Variants in HHAT observed in about 807,000 individuals in gnomAD.
HHAT encodes the protein protein-cysteine N-palmitoyltransferase HHAT.
Under a neutral mutation model 70.8 loss-of-function variants are expected in HHAT, and 47 were observed. The observed-to-expected ratio is 0.66, with a 90% CI of 0.53 to 0.85. The LOEUF (loss-of-function observed/expected upper bound fraction) is 0.85. Ranked by LOEUF, HHAT falls within the 40% of genes least tolerant of loss-of-function variation. The pLI, the probability that HHAT is intolerant of heterozygous loss-of-function variation, is 0.00. For synonymous variants in HHAT, 228 were observed against 247.6 expected, an observed-to-expected ratio of 0.92 and a Z score of 0.74; for missense variants, 609 against 604.8, an observed-to-expected ratio of 1.01 and a Z score of -0.07.
chr1:210,595,498 G>A (rs1662773771), intron 10 of HHAT, among the ~76,000 whole-genome samples: 2 of 152,178 alleles, frequency 1.3e-5, no homozygotes, highest in African/African-American at 4.8e-5. Flanking sequence ...GGATGGCTGG[G>A]TCAAATGGTA....
intron 8 of HHAT, among the ~76,000 whole-genome samples, chr1:210,478,751 G>T (rs1232797764): frequency 2.0e-5 from 3 of 152,116 alleles, no homozygotes; most frequent in Non-Finnish European, 4.4e-5. Context: ...AGAAATCTAT[G>T]CAGGCTGTTC....
At chr1:210,471,575 G>A (rs1211422515) in intron 8 of HHAT, among the ~76,000 whole-genome samples, 2 of 152,078 alleles carry the variant, frequency 1.3e-5, no homozygotes, top group Non-Finnish European at 2.9e-5. Context: ...ATGAGGAACT[G>A]GATGCAAGGC....
At chr1:210,574,131 C>G (rs1206948316) in intron 9 of HHAT, among the ~76,000 whole-genome samples, 1 of 152,108 alleles carries the variant, frequency 6.6e-6, no homozygotes, top group Non-Finnish European at 1.5e-5. Flanking sequence ...AGCATATCAG[C>G]AAGTTGAAAG....
At chr1:210,465,227 A>G (rs369883695) in intron 8 of HHAT, among the ~76,000 whole-genome samples, 2 of 152,188 alleles carry the variant, frequency 1.3e-5, no homozygotes, top group East Asian at 3.9e-4. Flanking sequence ...TGTTATTCCT[A>G]TGCTCTGTGG....
intron 9 of HHAT, among the ~76,000 whole-genome samples, chr1:210,517,607 G>A (rs376545616): frequency 2.0e-5 from 3 of 152,276 alleles, no homozygotes; most frequent in South Asian, 2.1e-4. Context: ...AGAGGAGAAG[G>A]AAGTTCAAGA....
intron 6 of HHAT, among the ~76,000 whole-genome samples, chr1:210,415,685 GTCTC>G: frequency 6.6e-6 from 1 of 151,970 alleles, no homozygotes; most frequent in South Asian, 2.1e-4. Context: ...TTGAGACAGA[GTCTC>G]TGTCTGTCAC....
chr1:210,615,967 G>A (rs1373411888), intron 10 of HHAT, among the ~76,000 whole-genome samples: 1 of 152,140 alleles, frequency 6.6e-6, no homozygotes, highest in Non-Finnish European at 1.5e-5. Flanking sequence ...TCAAAGCTCA[G>A]TTGGAAATGC....
rs1028162520 is a variant in HHAT, at chr1:210,370,209, T to G, written c.159+7290T>G. 2.1e-5 allele frequency among the ~76,000 whole-genome samples: 3 copies of G among 142,008 alleles called. No homozygotes were observed. In the Admixed American group the frequency reaches 2.2e-4, roughly 11 times the overall value. The allele number at this position is 142,008 out of a possible 152,430, so 93.2% of individuals were successfully genotyped here. A position where few individuals can be genotyped will look rare whatever the true frequency, so the allele number is the denominator to read the frequency against. ...TTTTTTCCTGAATGCAGAGTCTCAC[T>G]GTGTCACCCAGGCTGGAGTGCAGTG... On this transcript the variant is annotated intron_variant, in intron 3 of 11. Transcript: ENST00000261458.
chr1:210,328,938 C>T lies in HHAT; in HGVS notation c.-210C>T. On this transcript the variant is annotated 5_prime_UTR_variant, in exon 1 of 12. Transcript: ENST00000261458. ...CAGGGGCGTGCTCGGAGGACGCGCG[C>T]TGCGCTGCTCCTCCAAAGGGCAGCT... 1 of 1,123,494 alleles carries T rather than the reference C, an allele frequency of 8.9e-7. No homozygotes were observed. The highest frequency in any genetic ancestry group is 1.1e-6 in the Non-Finnish European group (1 of 878,070). 69.6% of individuals were successfully genotyped at this position (1,123,494 alleles called of 1,614,324 possible).
chr1:210,661,739 A>G (rs1677774973), intron 11 of HHAT, among the ~76,000 whole-genome samples: 1 of 152,238 alleles, frequency 6.6e-6, no homozygotes, highest in Non-Finnish European at 1.5e-5. Context: ...GGATGAGTTC[A>G]TGTCCTTTGT....
At chr1:210,464,268 G>A (rs2094047618) in intron 7 of HHAT, among the ~76,000 whole-genome samples, 1 of 152,028 alleles carries the variant, frequency 6.6e-6, no homozygotes, top group Admixed American at 6.6e-5. Context: ...ATCTGTAAAA[G>A]CATGACTCCT....
chr1:210,458,596 G>A (rs2093917811), intron 7 of HHAT, among the ~76,000 whole-genome samples: 1 of 152,128 alleles, frequency 6.6e-6, no homozygotes, highest in Non-Finnish European at 1.5e-5. Flanking sequence ...CAGACAAAAT[G>A]GAGGAAGGGG....
chr1:210,360,304 G>GTTTTTTTTTTTTTTTTTTTTTT (rs398053777), intron 2 of HHAT, among the ~76,000 whole-genome samples: 1 of 138,176 alleles, frequency 7.2e-6, no homozygotes. Context: ...TTGTTTTTGT[G>GTTTTTTTTTTTTTTTTTTTTTT]TTTTTTTTTT....
intron 11 of HHAT, among the ~76,000 whole-genome samples, chr1:210,658,102 C>T (rs6679461): frequency 0.043 from 6,476 of 152,160 alleles, 193 homozygotes; most frequent in East Asian, 0.11. Flanking sequence ...GTTCTAGGGA[C>T]GTAGGAAGAA....
At chr1:210,380,646 G>T (rs746656028) in intron 3 of HHAT, among the ~76,000 whole-genome samples, 2 of 152,180 alleles carry the variant, frequency 1.3e-5, no homozygotes, top group Admixed American at 1.3e-4. Context: ...AAGGGACACC[G>T]AGTCCAGGCT....
Position 210,674,397 on chromosome 1 carries a change from C to T in HHAT, c.*18C>T, listed in dbSNP as rs775939647. 6.2e-7 allele frequency: 1 copy of T among 1,604,556 alleles called. No individual in the cohort carries two copies. The highest frequency in any genetic ancestry group is 8.5e-7 in the Non-Finnish European group (1 of 1,171,548). On this transcript the variant is annotated 3_prime_UTR_variant, in exon 12 of 12. Coordinates refer to ENST00000261458, the MANE Select transcript of HHAT (RefSeq NM_018194.6). Reference sequence around the variant, plus strand: ...CGGACTAATGCTGTTGGGCCCAGGCCAGTCCTTGTTGCTGGCCTCCAAGGC... The same window carrying T: ...CGGACTAATGCTGTTGGGCCCAGGCTAGTCCTTGTTGCTGGCCTCCAAGGC...
At chr1:210,554,609 G>A (rs998715835) in intron 9 of HHAT, among the ~76,000 whole-genome samples, 14 of 152,136 alleles carry the variant, frequency 9.2e-5, no homozygotes, top group African/African-American at 3.4e-4. Context: ...GCGAGGAGGC[G>A]GGGAGGTTTC....
At chr1:210,566,559 A>G (rs1388586136) in intron 9 of HHAT, among the ~76,000 whole-genome samples, 1 of 152,134 alleles carries the variant, frequency 6.6e-6, no homozygotes, top group Non-Finnish European at 1.5e-5. Flanking sequence ...GAGATGAGAC[A>G]AAGAGATGAG....
At chr1:210,433,968 A>G (rs1347169083) in intron 7 of HHAT, among the ~76,000 whole-genome samples, 2 of 151,984 alleles carry the variant, frequency 1.3e-5, no homozygotes, top group Non-Finnish European at 2.9e-5. Flanking sequence ...CAGCACCTGC[A>G]TTAGACATAT....
Sources: gnomAD v4.1 joint callset for allele counts (sites outside exome capture counted in the v4.1 genomes callset) on GRCh38, gnomAD v4.1.1 for gene constraint, MANE v1.5 for transcripts, NCBI Gene and HGNC (gene_info 2026-07-23, HGNC 2026-07-21) for gene names.